The following CIMIP2C variants were observed in gnomAD, a reference collection of about 807,000 sequenced individuals.
CIMIP2C encodes UPF0573 protein C2orf70.
chr2:26,575,681 CTTAA>C, the CIMIP2C span, among the ~76,000 whole-genome samples: 1 of 151,874 alleles, frequency 6.6e-6, no homozygotes, highest in African/African-American at 2.4e-5. Context: ...CTTTTTTTTT[CTTAA>C]TTGTTATTAT....
the CIMIP2C span, among the ~76,000 whole-genome samples, chr2:26,574,900 A>T: frequency 6.6e-6 from 1 of 152,232 alleles, no homozygotes; most frequent in Non-Finnish European, 1.5e-5. Flanking sequence ...CAAGGGCCTC[A>T]TGGAGCAGAA....
chr2:26,576,006 GCC>G, the CIMIP2C span: 1 of 1,614,150 alleles, frequency 6.2e-7, no homozygotes, highest in Non-Finnish European at 8.5e-7. Context: ...ATGGAGAAGA[GCC>G]ACACTCCCTT....
the CIMIP2C span, among the ~76,000 whole-genome samples, chr2:26,568,880 G>T: frequency 6.6e-6 from 1 of 152,032 alleles, no homozygotes; most frequent in African/African-American, 2.4e-5. Flanking sequence ...AATTAGCTGG[G>T]CATAGTGGCG....
the CIMIP2C span, chr2:26,572,164 C>T: frequency 6.5e-7 from 1 of 1,534,950 alleles, no homozygotes. Context: ...AAGTGCACCC[C>T]CATCTCCCCT....
the CIMIP2C span, among the ~76,000 whole-genome samples, chr2:26,568,517 CT>C: frequency 6.6e-6 from 1 of 152,202 alleles, no homozygotes; most frequent in Non-Finnish European, 1.5e-5. Context: ...GAGACTTGGG[CT>C]TTGCAACAGG....
At chr2:26,577,503 G>C in the CIMIP2C span, 1 of 1,609,572 alleles carries the variant, frequency 6.2e-7, no homozygotes, top group African/African-American at 1.3e-5. Context: ...TCTCTTCCTT[G>C]ATTGAACCAT....
the CIMIP2C span, among the ~76,000 whole-genome samples, chr2:26,565,029 T>TTCTC: frequency 1.3e-5 from 2 of 150,752 alleles, no homozygotes; most frequent in African/African-American, 4.9e-5. Context: ...TTCTTCTTCT[T>TTCTC]CTTCTCCTTC....
At chr2:26,566,544 A>G in the CIMIP2C span, among the ~76,000 whole-genome samples, 1 of 152,240 alleles carries the variant, frequency 6.6e-6, no homozygotes, top group African/African-American at 2.4e-5. Context: ...ATTTCAAACT[A>G]TCAACATAGT....
the CIMIP2C span, chr2:26,579,513 C>CTT: frequency 4.5e-6 from 7 of 1,545,464 alleles, no homozygotes; most frequent in Non-Finnish European, 6.2e-6. Flanking sequence ...GGAATAAAAT[C>CTT]TTTAGCCATG....
the CIMIP2C span, among the ~76,000 whole-genome samples, chr2:26,577,159 G>A: frequency 6.6e-6 from 1 of 152,226 alleles, no homozygotes; most frequent in Non-Finnish European, 1.5e-5. Flanking sequence ...GGAGAGGGGG[G>A]AGGAAACACA....
At chr2:26,567,127 G>A in the CIMIP2C span, among the ~76,000 whole-genome samples, 5 of 152,318 alleles carry the variant, frequency 3.3e-5, no homozygotes, top group East Asian at 9.6e-4. Flanking sequence ...AGTAGGCACT[G>A]CCTGTAGCCC....
chr2:26,569,253 TG>T, the CIMIP2C span, among the ~76,000 whole-genome samples: 360 of 151,764 alleles, frequency 2.4e-3, no homozygotes, highest in African/African-American at 8.5e-3. Flanking sequence ...ACAAAAAAAA[TG>T]GTGTGGAGTT....
the CIMIP2C span, among the ~76,000 whole-genome samples, chr2:26,568,351 C>G: frequency 1.3e-4 from 20 of 152,274 alleles, no homozygotes; most frequent in East Asian, 9.7e-4. Context: ...CACGTCATTC[C>G]CCACCCCTTT....
the CIMIP2C span, among the ~76,000 whole-genome samples, chr2:26,573,009 C>T: frequency 1.3e-5 from 2 of 152,256 alleles, no homozygotes; most frequent in East Asian, 1.9e-4. Context: ...CTTGCTTACA[C>T]GTCACAGGTT....
chr2:26,577,584 G>A, the CIMIP2C span: 23 of 1,614,098 alleles, frequency 1.4e-5, no homozygotes, highest in African/African-American at 9.3e-5. Context: ...CCTACTTTGC[G>A]ATGCCCGTGA....
the CIMIP2C span, among the ~76,000 whole-genome samples, chr2:26,563,659 CAG>C: frequency 6.6e-6 from 1 of 152,192 alleles, no homozygotes; most frequent in Admixed American, 6.5e-5. Flanking sequence ...ATTCTGCAGG[CAG>C]AGTCTCCAAA....
chr2:26,563,451 C>T, the CIMIP2C span, among the ~76,000 whole-genome samples: 3 of 152,182 alleles, frequency 2.0e-5, no homozygotes, highest in Non-Finnish European at 4.4e-5. Context: ...TCTGATGTTT[C>T]TACTCTGGAC....
chr2:26,578,657 A>G, the CIMIP2C span: 1 of 437,390 alleles, frequency 2.3e-6, no homozygotes, highest in Non-Finnish European at 4.7e-6. Context: ...GTCCATCCCT[A>G]GAGTATAGTG....
chr2:26,567,167 G>A, the CIMIP2C span, among the ~76,000 whole-genome samples: 2 of 152,154 alleles, frequency 1.3e-5, no homozygotes, highest in African/African-American at 4.8e-5. Flanking sequence ...ATATGGTTTG[G>A]CTGTGTCCCC....
Sources: allele counts gnomAD v4.1 joint callset (sites outside exome capture counted in the v4.1 genomes callset), GRCh38; gene constraint gnomAD v4.1.1; transcripts MANE v1.5; gene names NCBI Gene and HGNC (gene_info 2026-07-23, HGNC 2026-07-21).